HECW1: variants seen among roughly 807,000 people sequenced by gnomAD.
HECW1 encodes the protein E3 ubiquitin-protein ligase HECW1.
In HECW1, 61 loss-of-function variants were observed where a neutral mutation model predicts 182.3. The observed-to-expected ratio is 0.33, with a 90% CI of 0.27 to 0.41. The LOEUF (loss-of-function observed/expected upper bound fraction) is 0.41. Ranked by LOEUF, HECW1 falls within the 10% of genes least tolerant of loss-of-function variation. The probability of loss-of-function intolerance (pLI) is 1.00; values close to 1 mark genes in which losing one functional copy is unlikely to be tolerated. For missense variants in HECW1, 1,739 were observed against 2,108.9 expected (o/e 0.82, Z 3.44); for synonymous variants, 859 against 832.6 (o/e 1.03, Z -0.55).
At chr7:43,452,705 G>A (rs929554697) in intron 12 of HECW1, among the ~76,000 whole-genome samples, 1 of 152,238 alleles carries the variant, frequency 6.6e-6, no homozygotes, top group Non-Finnish European at 1.5e-5. Flanking sequence ...GCCTAGCATA[G>A]GAGATGCTAT....
At chr7:43,145,362 C>T (rs1788592071) in intron 2 of HECW1, among the ~76,000 whole-genome samples, 1 of 152,196 alleles carries the variant, frequency 6.6e-6, no homozygotes, top group African/African-American at 2.4e-5. Context: ...GTGGTGTGAT[C>T]TGACCTCACT....
At position 43,165,312 on chromosome 7, in the gene HECW1, C is replaced by T. The variant is rs148056765; in HGVS notation, c.-32+50921C>T. Among the ~76,000 whole-genome samples the T allele has an allele frequency of 3.8e-3, 577 of 151,650 alleles. 4 individuals are homozygous for T. Among genetic ancestry groups the T allele is most frequent in the African/African-American group, 0.013 (545 of 41,182 alleles). On this transcript the variant is annotated intron_variant, in intron 2 of 29. Coordinates refer to ENST00000395891, the MANE Select transcript of HECW1 (RefSeq NM_015052.5). Reference sequence around the variant, plus strand: ...GAACACATTGGCAGCCATGTGCATACAATTTCCAACTTTAGAACACTGTGT... The same window carrying T: ...GAACACATTGGCAGCCATGTGCATATAATTTCCAACTTTAGAACACTGTGT...
At chr7:43,451,912 C>T (rs2152885127) in intron 12 of HECW1, among the ~76,000 whole-genome samples, 1 of 152,308 alleles carries the variant, frequency 6.6e-6, no homozygotes, top group Admixed American at 6.5e-5. Context: ...GAAGCAGTTA[C>T]AGTTTTCAAA....
In HECW1 at chr7:43,492,146, T is replaced by C. The variant is rs2078955861; in HGVS notation, c.3306T>C (p.Ile1102=). The C allele has an allele frequency of 6.2e-7, 1 of 1,602,296 alleles. No homozygotes were observed. Among genetic ancestry groups the C allele is most frequent in the Non-Finnish European group, 8.5e-7 (1 of 1,177,032 alleles). The part of the protein sequence containing the change: ...ARPGHSLVAA[I]RSQHQHESLP... ...CAGGACACAGCTTAGTAGCTGCTATTCGAAGCCAACATCAACATGAGTCAT... is the reference window on the plus strand; with the variant it reads ...CAGGACACAGCTTAGTAGCTGCTATCCGAAGCCAACATCAACATGAGTCAT... Residue 1102 remains isoleucine, a synonymous_variant, in exon 18 of 30, where the codon ATT becomes ATC. Coordinates refer to ENST00000395891, the MANE Select transcript of HECW1 (RefSeq NM_015052.5).
At chr7:43,344,526 T>C (rs1278093078) in intron 5 of HECW1, among the ~76,000 whole-genome samples, 3 of 151,976 alleles carry the variant, frequency 2.0e-5, no homozygotes, top group African/African-American at 7.2e-5. Context: ...TTTTTTTTTT[T>C]CTCTGATGTC....
intron 8 of HECW1, among the ~76,000 whole-genome samples, chr7:43,421,117 G>T (rs2330868): frequency 0.81 from 123,724 of 152,188 alleles, 51,011 homozygotes; most frequent in East Asian, 0.99. Flanking sequence ...TTAAATAGAT[G>T]AGAATCCAGA....
chr7:43,250,754 T>A (rs951130090), intron 3 of HECW1, among the ~76,000 whole-genome samples: 1 of 152,208 alleles, frequency 6.6e-6, no homozygotes, highest in African/African-American at 2.4e-5. Context: ...TTTGATTTTT[T>A]AGGTTTGATT....
At chr7:43,231,052 TC>T (rs1490805381) in intron 2 of HECW1, among the ~76,000 whole-genome samples, 1 of 152,238 alleles carries the variant, frequency 6.6e-6, no homozygotes, top group Non-Finnish European at 1.5e-5. Flanking sequence ...TATTCTTTAG[TC>T]CTCTGCATTT....
intron 2 of HECW1, among the ~76,000 whole-genome samples, chr7:43,231,013 G>A (rs1363843698): frequency 6.6e-6 from 1 of 152,234 alleles, no homozygotes; most frequent in Non-Finnish European, 1.5e-5. Context: ...TGTCTGTTCT[G>A]TAGGGAATAG....
At chr7:43,375,981 A>G (rs2152823406) in intron 6 of HECW1, among the ~76,000 whole-genome samples, 1 of 150,336 alleles carries the variant, frequency 6.7e-6, no homozygotes, top group South Asian at 2.1e-4. Flanking sequence ...CAGTATAATT[A>G]CTGGTTGAGG....
At chr7:43,227,421 A>C (rs1420253071) in intron 2 of HECW1, among the ~76,000 whole-genome samples, 1 of 152,220 alleles carries the variant, frequency 6.6e-6, no homozygotes, top group East Asian at 1.9e-4. Flanking sequence ...TCTGGGTTTC[A>C]ATGATAATGA....
At chr7:43,144,777 C>T (rs1439265568) in intron 2 of HECW1, among the ~76,000 whole-genome samples, 2 of 152,134 alleles carry the variant, frequency 1.3e-5, no homozygotes, top group Non-Finnish European at 2.9e-5. Context: ...CTAGATCAGC[C>T]ATTTCTCCAA....
chr7:43,416,224 T>A (rs1046375404), intron 8 of HECW1, among the ~76,000 whole-genome samples: 1 of 150,674 alleles, frequency 6.6e-6, no homozygotes, highest in African/African-American at 2.5e-5. Context: ...ATGTCCTTTC[T>A]GTTTGTTAGT....
intron 3 of HECW1, among the ~76,000 whole-genome samples, chr7:43,277,700 C>T (rs1365887818): frequency 1.3e-5 from 2 of 152,164 alleles, no homozygotes; most frequent in African/African-American, 4.8e-5. Flanking sequence ...TTGTCTTCTC[C>T]CCTCTTCCAG....
chr7:43,231,539 A>C (rs2152709375), intron 2 of HECW1, among the ~76,000 whole-genome samples: 1 of 152,292 alleles, frequency 6.6e-6, no homozygotes, highest in African/African-American at 2.4e-5. Flanking sequence ...AGTAGATTCA[A>C]GGTGACTATG....
chr7:43,210,739 C>T (rs906197023), intron 2 of HECW1, among the ~76,000 whole-genome samples: 1 of 152,170 alleles, frequency 6.6e-6, no homozygotes, highest in Non-Finnish European at 1.5e-5. Context: ...AATGGCAAGC[C>T]TTTAGCCCAA....
At chr7:43,262,313 A>G (rs1438838131) in intron 3 of HECW1, among the ~76,000 whole-genome samples, 1 of 152,130 alleles carries the variant, frequency 6.6e-6, no homozygotes, top group Non-Finnish European at 1.5e-5. Flanking sequence ...AAAAAAGAAA[A>G]CAATGGCTAT....
chr7:43,426,700 TG>T (rs1362125434), intron 8 of HECW1, among the ~76,000 whole-genome samples: 2 of 152,216 alleles, frequency 1.3e-5, no homozygotes, highest in East Asian at 3.8e-4. Context: ...CAGGATTATC[TG>T]ATCCAAGAAA....
chr7:43,204,749 G>T (rs891569919), intron 2 of HECW1, among the ~76,000 whole-genome samples: 2 of 152,176 alleles, frequency 1.3e-5, no homozygotes, highest in Non-Finnish European at 2.9e-5. Flanking sequence ...TGGTCTCTGG[G>T]TTTAGGCCAT....
Sources: gnomAD v4.1 joint callset for allele counts (sites outside exome capture counted in the v4.1 genomes callset) on GRCh38, gnomAD v4.1.1 for gene constraint, MANE v1.5 for transcripts, NCBI Gene and HGNC (gene_info 2026-07-23, HGNC 2026-07-21) for gene names.